The following ENOX2 variants were observed in gnomAD, a reference collection of about 807,000 sequenced individuals.
ENOX2 encodes the protein APK1 antigen.
ENOX2 carries 36 observed loss-of-function variants against 45.0 expected under a neutral mutation model. The ratio of observed to expected loss-of-function variants is 0.80; its 90% CI spans 0.61 to 1.06. The LOEUF (loss-of-function observed/expected upper bound fraction) is 1.06, where lower values mean the gene tolerates loss of function less well. ENOX2 is among the 50% of genes least tolerant of loss of function. The pLI is 0.00. For missense variants in ENOX2, 423 were observed against 462.5 expected (o/e 0.91, Z 0.78); for synonymous variants, 174 against 152.3 (o/e 1.14, Z -1.05).
rs773738890 is a variant in ENOX2 at position 130,885,459 on chromosome X, T to G, written c.-183+16225A>C. 3.6e-5 allele frequency among the ~76,000 whole-genome samples: 4 copies of G among 112,201 alleles called. No homozygotes were observed. The South Asian group carries it at 1.5e-3, about 41-fold the overall frequency. ...TAAGAAAGTATATATTAAATCACTGTCTAAATGTTTTATACCACATCCACT... is the reference window on the plus strand; with the variant it reads ...TAAGAAAGTATATATTAAATCACTGGCTAAATGTTTTATACCACATCCACT... On this transcript the variant is annotated intron_variant, in intron 2 of 14. Transcript: ENST00000394363.
chrX:130,851,519 A>G (rs1425582502), intron 2 of ENOX2, among the ~76,000 whole-genome samples: 4 of 107,868 alleles, frequency 3.7e-5, no homozygotes, highest in African/African-American at 6.8e-5. Context: ...TTTATAAAAC[A>G]GCTTTCTTTT....
intron 2 of ENOX2, among the ~76,000 whole-genome samples, chrX:130,885,764 A>G (rs1246751825): frequency 6.2e-5 from 7 of 112,398 alleles, no homozygotes; most frequent in Admixed American, 5.7e-4. Flanking sequence ...TCATTGCCAG[A>G]AACTTAAACC....
intron 6 of ENOX2, among the ~76,000 whole-genome samples, chrX:130,676,413 A>G (rs756744326): frequency 2.9e-4 from 32 of 111,013 alleles, no homozygotes; most frequent in Admixed American, 6.7e-4. Flanking sequence ...TTTCAGGGGG[A>G]CAGATTCAAA....
intron 3 of ENOX2, among the ~76,000 whole-genome samples, chrX:130,752,895 CTGTA>C (rs1269721894): frequency 9.0e-6 from 1 of 110,673 alleles, no homozygotes. Flanking sequence ...GTCTCTGGCT[CTGTA>C]TGTATCTCCC....
At chrX:130,814,472 G>A (rs1211143807) in intron 2 of ENOX2, among the ~76,000 whole-genome samples, 2 of 111,830 alleles carry the variant, frequency 1.8e-5, no homozygotes, top group East Asian at 2.8e-4. Context: ...AGCAGTGGTC[G>A]ACAGACACTT....
chrX:130,885,008 C>G (rs2078878022), intron 2 of ENOX2, among the ~76,000 whole-genome samples: 1 of 112,044 alleles, frequency 8.9e-6, no homozygotes, highest in African/African-American at 3.2e-5. Context: ...CAACATTTTG[C>G]TTCCCCAAAA....
Position 130,628,382 on chromosome X carries a change from G to A in ENOX2, c.1529-339C>T, listed in dbSNP as rs1048299240. On this transcript the variant is annotated intron_variant, in intron 13 of 14. Transcript: ENST00000394363. ...ATGTAGAAAAGCTGGCATTTGAGGA[G>A]TCACTTTCATTACTTGTGATGGCTA... Among the ~76,000 whole-genome samples the A allele has an allele frequency of 2.7e-4, 30 of 112,040 alleles. No individual in the cohort carries two copies. In the Admixed American group the frequency reaches 2.8e-3, roughly 11 times the overall value.
At chrX:130,649,023 G>A (rs991965175) in intron 10 of ENOX2, among the ~76,000 whole-genome samples, 1 of 77,802 alleles carries the variant, frequency 1.3e-5, no homozygotes, top group Non-Finnish European at 2.3e-5. Context: ...CCAGCCTGGT[G>A]ACAGTGGGAG....
At chrX:130,786,166 ATTCT>A (rs1288445349) in intron 2 of ENOX2, among the ~76,000 whole-genome samples, 1 of 112,531 alleles carries the variant, frequency 8.9e-6, no homozygotes, top group East Asian at 2.8e-4. Context: ...TAGATGACTC[ATTCT>A]TTTAACCCAT....
At chrX:130,867,337 TTAA>T (rs1478491001) in intron 2 of ENOX2, among the ~76,000 whole-genome samples, 2 of 111,897 alleles carry the variant, frequency 1.8e-5, no homozygotes, top group East Asian at 2.8e-4. Context: ...ATATTATTCT[TTAA>T]TACTACATCA....
chrX:130,853,217 C>A (rs1481185406), intron 2 of ENOX2, among the ~76,000 whole-genome samples: 8 of 109,742 alleles, frequency 7.3e-5, no homozygotes, highest in African/African-American at 2.3e-4. Flanking sequence ...GTGGCTCACG[C>A]CTGTAATCCC....
chrX:130,887,139 A>G (rs1464760049), intron 2 of ENOX2, among the ~76,000 whole-genome samples: 1 of 111,768 alleles, frequency 8.9e-6, no homozygotes, highest in Non-Finnish European at 1.9e-5. Context: ...GTACAGTTGA[A>G]CTGAAGGAAA....
At chrX:130,851,228 G>A (rs1239202160) in intron 2 of ENOX2, among the ~76,000 whole-genome samples, 2 of 111,757 alleles carry the variant, frequency 1.8e-5, no homozygotes, top group African/African-American at 6.5e-5. Flanking sequence ...TTCCATTTTT[G>A]TTTTAGCCTA....
intron 2 of ENOX2, among the ~76,000 whole-genome samples, chrX:130,810,097 T>G (rs908714429): frequency 1.1e-4 from 12 of 110,393 alleles, no homozygotes; most frequent in African/African-American, 3.6e-4. Flanking sequence ...CCCAACCCCA[T>G]GCAGCACAGT....
At chrX:130,705,653 C>A (rs2038017283) in intron 3 of ENOX2, among the ~76,000 whole-genome samples, 1 of 111,718 alleles carries the variant, frequency 9.0e-6, no homozygotes, top group South Asian at 3.8e-4. Context: ...TGTCAAAATC[C>A]CACTCATTTT....
At chrX:130,696,889 C>A (rs764915931) in intron 4 of ENOX2, among the ~76,000 whole-genome samples, 2 of 111,773 alleles carry the variant, frequency 1.8e-5, no homozygotes, top group South Asian at 7.5e-4. Context: ...GTCACAGGGG[C>A]AGCTCAACTT....
At chrX:130,786,371 C>T (rs182343362) in intron 2 of ENOX2, among the ~76,000 whole-genome samples, 2 of 110,835 alleles carry the variant, frequency 1.8e-5, no homozygotes, top group South Asian at 3.8e-4. Flanking sequence ...TGATTAATGA[C>T]GGTGAAACAG....
intron 3 of ENOX2, among the ~76,000 whole-genome samples, chrX:130,752,821 G>A (rs765834553): frequency 2.2e-4 from 24 of 109,556 alleles, no homozygotes; most frequent in Non-Finnish European, 3.8e-4. Context: ...TCTTTCTCTC[G>A]CTATCTCACT....
intron 3 of ENOX2, among the ~76,000 whole-genome samples, chrX:130,704,701 T>C (rs1035852577): frequency 8.9e-5 from 10 of 112,352 alleles, no homozygotes; most frequent in African/African-American, 2.6e-4. Flanking sequence ...CAAGCAAATG[T>C]AAATGTCTAA....
Sources: allele counts gnomAD v4.1 joint callset (sites outside exome capture counted in the v4.1 genomes callset), GRCh38; gene constraint gnomAD v4.1.1; transcripts MANE v1.5; gene names NCBI Gene and HGNC (gene_info 2026-07-23, HGNC 2026-07-21).